MARK2: variants seen among roughly 807,000 people sequenced by gnomAD.
MARK2 encodes serine/threonine-protein kinase MARK2.
Under a neutral mutation model 89.8 loss-of-function variants are expected in MARK2, and 16 were observed. That is an observed-to-expected ratio of 0.18 (90% CI 0.12 to 0.27). The LOEUF is 0.27. Ranked by LOEUF, MARK2 falls within the 10% of genes least tolerant of loss-of-function variation. MARK2 has a pLI of 1.00. For missense variants in MARK2, 621 were observed against 1,049.9 expected (o/e 0.59, Z 5.65); for synonymous variants, 382 against 399.5 (o/e 0.96, Z 0.52).
rs766295949 is a variant in MARK2, at chr11:63,900,899, T to C, written c.988+20T>C. The C allele has an allele frequency of 1.2e-6, 2 of 1,613,582 alleles. No homozygotes were observed. Among genetic ancestry groups the C allele is most frequent in the South Asian group, 2.2e-5 (2 of 91,076 alleles). On this transcript the variant is annotated intron_variant, in intron 10 of 18. Transcript: ENST00000402010. This position sits in a 1 kb window ranked among gnomAD's most constrained non-coding sequence, Gnocchi z 4.7. ...GGACAGGTGAGGCTGTGCCGGGCTG[T>C]GAGGTTAAGCTTGCCTAGGAGTTGA... is the stretch of plus-strand genomic sequence containing the variant.
At chr11:63,906,770 G>C (rs1941371373) in intron 17 of MARK2, among the ~76,000 whole-genome samples, 1 of 151,880 alleles carries the variant, frequency 6.6e-6, no homozygotes, top group Admixed American at 6.6e-5. Context: ...CACAAATGGA[G>C]CACAGCACCC....
chr11:63,889,290 G>A (rs1418279774), intron 1 of MARK2, among the ~76,000 whole-genome samples: 1 of 152,196 alleles, frequency 6.6e-6, no homozygotes, highest in African/African-American at 2.4e-5. Flanking sequence ...GCCCAGGACT[G>A]GTGCCCAAGG....
chr11:63,906,781 C>T (rs954073031), intron 17 of MARK2, among the ~76,000 whole-genome samples: 1 of 151,818 alleles, frequency 6.6e-6, no homozygotes, highest in Non-Finnish European at 1.5e-5. Flanking sequence ...CACAGCACCC[C>T]CTCCTGGCAG....
intron 3 of MARK2, among the ~76,000 whole-genome samples, chr11:63,896,801 G>A (rs1423014896): frequency 1.3e-5 from 2 of 152,112 alleles, no homozygotes; most frequent in Non-Finnish European, 2.9e-5. Context: ...TGACATCCTG[G>A]CTCCAGCCCC....
Position 63,909,240 on chromosome 11 carries a change from G to C in MARK2, c.*3G>C. 6.3e-7 allele frequency: 1 copy of C among 1,582,618 alleles called. No individual in the cohort carries two copies. ...TAGCCAACGAGCTGAAGCTTTAACA[G>C]GCTGCCAGGAGCGGGGGCGGCGGGG... On this transcript the variant is annotated 3_prime_UTR_variant, in exon 19 of 19. Transcript: ENST00000402010.
intron 1 of MARK2, among the ~76,000 whole-genome samples, chr11:63,859,451 G>A (rs1937624043): frequency 6.6e-6 from 1 of 151,754 alleles, no homozygotes; most frequent in South Asian, 2.1e-4. Context: ...CTCCTGAGTA[G>A]CTGGGATTGC....
At chr11:63,886,581 G>A (rs1365779520) in intron 1 of MARK2, among the ~76,000 whole-genome samples, 9 of 152,058 alleles carry the variant, frequency 5.9e-5, no homozygotes, top group East Asian at 5.8e-4. Context: ...ACGCCACCAC[G>A]CTCAGCAAAT....
At chr11:63,854,350 C>G (rs535491511) in intron 1 of MARK2, among the ~76,000 whole-genome samples, 1 of 151,346 alleles carries the variant, frequency 6.6e-6, no homozygotes, top group Non-Finnish European at 1.5e-5. Context: ...CAGGTCCGCA[C>G]CACCACGCCT....
At chr11:63,908,852 A>T in intron 18 of MARK2, 25 bp from the exon 19 acceptor site, 1 of 1,428,438 alleles carries the variant, frequency 7.0e-7, no homozygotes, top group South Asian at 1.7e-5. Flanking sequence ...CCCCCCCGTG[A>T]CGCCCGCCTC....
At chr11:63,868,139 C>A (rs1181239388) in intron 1 of MARK2, among the ~76,000 whole-genome samples, 1 of 152,064 alleles carries the variant, frequency 6.6e-6, no homozygotes, top group African/African-American at 2.4e-5. Context: ...GGCCTGTAAT[C>A]CCCGCACTTT....
chr11:63,844,417 G>A (rs921267417), intron 1 of MARK2, among the ~76,000 whole-genome samples: 54 of 152,160 alleles, frequency 3.5e-4, no homozygotes, highest in African/African-American at 1.2e-3. Flanking sequence ...TGGGGAGGTC[G>A]AGACTGCATT....
Position 63,909,289 on chromosome 11 carries a change from G to A in MARK2, c.*52G>A, listed in dbSNP as rs924036657. 9.4e-6 allele frequency: 14 copies of A among 1,488,476 alleles called. No homozygotes were observed. The highest frequency in any genetic ancestry group is 5.3e-5 in the South Asian group (4 of 74,934). The allele number at this position is 1,488,476 out of a possible 1,614,324, so 92.2% of individuals were successfully genotyped here. On this transcript the variant is annotated 3_prime_UTR_variant, in exon 19 of 19. Coordinates refer to ENST00000402010, the MANE Select transcript of MARK2 (RefSeq NM_001039469.3). The stretch of plus-strand genomic sequence containing the variant: ...GGGCGGGCCAGCTGGACGGGCTGCC[G>A]GCCGCTGCGCCGCCCCACCTGGGCG...
In MARK2 at chr11:63,876,045, C is replaced by T. The variant is rs1032716858; in HGVS notation, c.55-19114C>T. Among the ~76,000 whole-genome samples, 15 of 152,322 alleles carry T rather than the reference C, an allele frequency of 9.8e-5. 1 individual carries two copies. The highest frequency in any genetic ancestry group is 9.8e-4 in the Admixed American group (15 of 15,306). On this transcript the variant is annotated intron_variant, in intron 1 of 18. Coordinates refer to ENST00000402010, the MANE Select transcript of MARK2 (RefSeq NM_001039469.3). ...GATTTGCAGAGTTTCCAGGCCCATA[C>T]ATCTAGGGCGGGATGTGTGTGTTTT... is the stretch of plus-strand genomic sequence containing the variant.
intron 1 of MARK2, among the ~76,000 whole-genome samples, chr11:63,844,877 T>C (rs1464656085): frequency 6.6e-6 from 1 of 152,248 alleles, no homozygotes; most frequent in Non-Finnish European, 1.5e-5. Flanking sequence ...GGCTGGCATT[T>C]CTCTTCTCCC....
intron 18 of MARK2, 23 bp from the exon 19 acceptor site, chr11:63,908,854 G>T (rs770948367): frequency 7.0e-7 from 1 of 1,426,180 alleles, no homozygotes. Context: ...CCCCCGTGAC[G>T]CCCGCCTCTG....
At chr11:63,870,354 T>G (rs1254811470) in intron 1 of MARK2, among the ~76,000 whole-genome samples, 2 of 152,168 alleles carry the variant, frequency 1.3e-5, no homozygotes, top group Non-Finnish European at 2.9e-5. Context: ...ATTGCAGACA[T>G]GAGCCGTGGC....
Position 63,909,071 on chromosome 11 carries a change from T to A in MARK2, c.2201T>A (p.Leu734Gln). Reference protein sequence around the residue: ...QSELHEKYMLLCMHGTPGHED... With the variant: ...QSELHEKYMLQCMHGTPGHED... ...GAGCTGCATGAGAAGTACATGCTGC[T>A]GTGCATGCACGGCACGCCGGGCCAC... Residue 734 changes from leucine to glutamine, a missense_variant, in exon 19 of 19, where the codon CTG (leucine) becomes CAG (glutamine). By Grantham distance (113) the Leu-to-Gln change is moderately radical. Coordinates refer to ENST00000402010, the MANE Select transcript of MARK2 (RefSeq NM_001039469.3). 1 of 1,612,830 alleles carries A rather than the reference T, an allele frequency of 6.2e-7. No homozygotes were observed. The highest frequency in any genetic ancestry group is 8.5e-7 in the Non-Finnish European group (1 of 1,178,968).
At chr11:63,866,158 C>T (rs1938117678) in intron 1 of MARK2, among the ~76,000 whole-genome samples, 1 of 151,992 alleles carries the variant, frequency 6.6e-6, no homozygotes, top group Admixed American at 6.6e-5. Flanking sequence ...TCGACACCAG[C>T]CTGGTCAACA....
At chr11:63,892,982 C>T (rs1329781074) in intron 1 of MARK2, among the ~76,000 whole-genome samples, 2 of 147,326 alleles carry the variant, frequency 1.4e-5, no homozygotes, top group Non-Finnish European at 3.0e-5. Flanking sequence ...GATCTCAGCT[C>T]ACTGTAACCT....
Sources: allele counts gnomAD v4.1 joint callset (sites outside exome capture counted in the v4.1 genomes callset), GRCh38; gene constraint gnomAD v4.1.1; non-coding constraint Gnocchi (gnomAD v3.1); transcripts MANE v1.5; gene names NCBI Gene and HGNC (gene_info 2026-07-23, HGNC 2026-07-21).